Variants in IL1A observed in about 807,000 individuals in gnomAD.
IL1A encodes interleukin 1 alpha.
In IL1A, 16 loss-of-function variants were observed where a neutral mutation model predicts 22.2. The observed-to-expected ratio is 0.72, with a 90% CI of 0.49 to 1.09. The LOEUF is 1.09. Among genes scored for constraint, IL1A ranks in the 50% least tolerant of loss-of-function variants. The probability of loss-of-function intolerance (pLI) is 0.00; values close to 1 mark genes in which losing one functional copy is unlikely to be tolerated. For missense variants in IL1A, 317 were observed against 321.8 expected (o/e 0.99, Z 0.11); for synonymous variants, 113 against 118.5 (o/e 0.95, Z 0.30).
At position 112,779,590 on chromosome 2, in the gene IL1A, G is replaced by A. The variant is rs748487868; in HGVS notation, c.396C>T (p.Tyr132=). 3.8e-5 allele frequency: 61 copies of A among 1,612,698 alleles called. No homozygotes were observed. The highest frequency in any genetic ancestry group is 9.9e-5 in the South Asian group (9 of 91,052). ...VKYNFMRIIK[Y]EFILNDALNQ... The stretch of plus-strand genomic sequence containing the variant: ...TGAGGGCGTCATTCAGGATGAATTC[G>A]TATTTGATGATCCTCATAAAGTTGT... The change falls in exon 5 of 7, where the codon TAC becomes TAT. Residue 132 remains tyrosine (Y), a synonymous_variant. Transcript: ENST00000263339.
chr2:112,775,288 T>G, intron 6 of IL1A, 21 bp from the exon 7 acceptor site: 1 of 1,595,876 alleles, frequency 6.3e-7, no homozygotes, highest in South Asian at 1.1e-5. Flanking sequence ...AAGAAGAGAA[T>G]TCTGTTAGAG....
chr2:112,781,100 T>A (rs1681190108), intron 4 of IL1A, among the ~76,000 whole-genome samples: 1 of 152,162 alleles, frequency 6.6e-6, no homozygotes, highest in South Asian at 2.1e-4. Flanking sequence ...CAGACATTAT[T>A]CTAGTCCAGA....
At position 112,782,739 on chromosome 2, in the gene IL1A, T is replaced by G. The variant is rs746881461; in HGVS notation, c.73A>C (p.Ile25Leu). 3 of 1,608,940 alleles carry G rather than the reference T, an allele frequency of 1.9e-6. No individual in the cohort carries two copies. In the South Asian group the frequency reaches 3.3e-5, roughly 18 times the overall value. ...ACCTGATTCAGAGACAGATGATCAA[T>G]GGAGGAACTGTCTTCTTCATTTTCA... ...YSENEEDSSSIDHLSLNQKSF... is the reference protein window; with the variant it reads ...YSENEEDSSSLDHLSLNQKSF... The change falls in exon 3 of 7, where the codon ATT (isoleucine) becomes CTT (leucine). Residue 25 changes from isoleucine (I) to leucine (L), a missense_variant. By Grantham distance (5) the Ile-to-Leu change is conservative. Coordinates refer to ENST00000263339, the MANE Select transcript of IL1A (RefSeq NM_000575.5).
chr2:112,775,176 G>A lies in IL1A; in HGVS notation c.707C>T (p.Ser236Leu), dbSNP rs747708905. The A allele has an allele frequency of 6.2e-7, 1 of 1,614,166 alleles. No homozygotes were observed. Among genetic ancestry groups the A allele is most frequent in the Non-Finnish European group, 8.5e-7 (1 of 1,179,990 alleles). ...AATAAACAAGTTTGGATGGGCAACT[G>A]ATGTGAAATAGTTCTTAGTGCCGTG... Reference protein sequence around the residue: ...ETHGTKNYFTSVAHPNLFIAT... With the variant: ...ETHGTKNYFTLVAHPNLFIAT... Residue 236 changes from serine to leucine, a missense_variant, in exon 7 of 7, where the codon TCA becomes TTA. Coordinates refer to ENST00000263339, the MANE Select transcript of IL1A (RefSeq NM_000575.5).
rs781599647 is a variant in IL1A, at chr2:112,781,601, T to C, written c.319+3A>G. 1.9e-6 allele frequency: 3 copies of C among 1,610,038 alleles called. No individual in the cohort carries two copies. Among genetic ancestry groups the C allele is most frequent in the South Asian group, 2.2e-5 (2 of 91,000 alleles). On this transcript the variant is annotated splice_donor_region_variant and intron_variant, in intron 4 of 6. Coordinates refer to ENST00000263339, the MANE Select transcript of IL1A (RefSeq NM_000575.5). ...AAAGATATTATTGTGCTTGACCCCT[T>C]ACCTTCCTCTGAGTCATTGGCGATG...
intron 6 of IL1A, 35 bp from the exon 7 acceptor site, chr2:112,775,302 A>C (rs1441418556): frequency 6.4e-7 from 1 of 1,572,114 alleles, no homozygotes; most frequent in South Asian, 1.1e-5. Flanking sequence ...GTTAGAGAAC[A>C]AGATGGTAGA....
chr2:112,778,833 G>A (rs959827255), intron 5 of IL1A, among the ~76,000 whole-genome samples: 8 of 152,316 alleles, frequency 5.3e-5, no homozygotes, highest in African/African-American at 1.9e-4. Context: ...TAAATGTAGA[G>A]TTGAAAGCAT....
intron 5 of IL1A, among the ~76,000 whole-genome samples, chr2:112,778,979 T>C (rs911417976): frequency 1.1e-4 from 17 of 152,176 alleles, no homozygotes; most frequent in African/African-American, 3.6e-4. Flanking sequence ...TGATAAAAGT[T>C]TTTGGACACT....
At chr2:112,783,418 T>C (rs920470203) in intron 2 of IL1A, among the ~76,000 whole-genome samples, 5 of 152,232 alleles carry the variant, frequency 3.3e-5, no homozygotes, top group Non-Finnish European at 7.3e-5. Flanking sequence ...AACCCATTCT[T>C]ATATCAGGGC....
chr2:112,775,898 C>T (rs1681094547), intron 6 of IL1A, among the ~76,000 whole-genome samples: 1 of 152,088 alleles, frequency 6.6e-6, no homozygotes, highest in South Asian at 2.1e-4. Flanking sequence ...ATTTCAAATT[C>T]CAAGTTGAGA....
intron 5 of IL1A, 130 bp from the exon 6 acceptor site, chr2:112,778,241 TC>T: frequency 2.8e-6 from 2 of 726,312 alleles, no homozygotes; most frequent in Non-Finnish European, 4.5e-6. Flanking sequence ...TGTAGTTAGG[TC>T]CCCACCTATG....
In IL1A at chr2:112,775,218, A is replaced by G; in HGVS notation, c.665T>C (p.Leu222Pro). Residue 222 changes from leucine (L) to proline (P), a missense_variant, in exon 7 of 7, where the codon CTC (leucine) becomes CCC (proline). By Grantham distance (98) the Leu-to-Pro change is moderately conservative (BLOSUM62 -3). Coordinates refer to ENST00000263339, the MANE Select transcript of IL1A (RefSeq NM_000575.5). ...KTITGSETNL[L>P]FFWETHGTKN... ...AGTGCCGTGAGTTTCCCAGAAGAAG[A>G]GGAGGTTGGTCTCACTACCTGTGAT... 1.2e-6 allele frequency: 2 copies of G among 1,614,232 alleles called. No individual in the cohort carries two copies. Among genetic ancestry groups the G allele is most frequent in the Non-Finnish European group, 1.7e-6 (2 of 1,180,030 alleles).
chr2:112,781,726 G>C lies in IL1A; in HGVS notation c.197C>G (p.Thr66Ser). Reference sequence around the variant, plus strand: ...TACTACCACCATGCTCTCCTTGAAGGTAAGCTTGGATGTTTTAGAGGTTTC... The same window carrying C: ...TACTACCACCATGCTCTCCTTGAAGCTAAGCTTGGATGTTTTAGAGGTTTC... ...ISETSKTSKL[T>S]FKESMVVVAT... The change falls in exon 4 of 7, where the codon ACC (threonine) becomes AGC (serine). Residue 66 changes from threonine to serine, a missense_variant. Coordinates refer to ENST00000263339, the MANE Select transcript of IL1A (RefSeq NM_000575.5). 1.2e-6 allele frequency: 2 copies of C among 1,614,164 alleles called. No homozygotes were observed. Among genetic ancestry groups the C allele is most frequent in the Non-Finnish European group, 8.5e-7 (1 of 1,180,016 alleles).
intron 4 of IL1A, 134 bp downstream of exon 4, chr2:112,781,470 T>C (rs1465953699): frequency 1.4e-6 from 1 of 727,282 alleles, no homozygotes; most frequent in African/African-American, 1.8e-5. Context: ...TTAATTTTCC[T>C]CTGTATAGTT....
At chr2:112,779,751 T>C in intron 4 of IL1A, 85 bp from the exon 5 acceptor site, 2 of 941,666 alleles carry the variant, frequency 2.1e-6, no homozygotes, top group South Asian at 2.6e-5. Context: ...GGGAAAATAG[T>C]TCTGGAGGGG....
At chr2:112,778,174 A>T in intron 5 of IL1A, 63 bp from the exon 6 acceptor site, 2 of 1,382,874 alleles carry the variant, frequency 1.4e-6, no homozygotes, top group Non-Finnish European at 2.0e-6. Context: ...TCAAGTGTTG[A>T]TGTAGATTGT....
At chr2:112,778,649 A>C (rs1681142750) in intron 5 of IL1A, among the ~76,000 whole-genome samples, 1 of 152,228 alleles carries the variant, frequency 6.6e-6, no homozygotes, top group Non-Finnish European at 1.5e-5. Flanking sequence ...AAAAAACAAT[A>C]ATATATACAA....
At chr2:112,775,762 A>ACACG (rs1681092129) in intron 6 of IL1A, among the ~76,000 whole-genome samples, 1 of 151,996 alleles carries the variant, frequency 6.6e-6, no homozygotes, top group Non-Finnish European at 1.5e-5. Context: ...ACACGCACAC[A>ACACG]CATACACACA....
chr2:112,781,143 A>T (rs557633549), intron 4 of IL1A, among the ~76,000 whole-genome samples: 1 of 152,186 alleles, frequency 6.6e-6, no homozygotes, highest in Non-Finnish European at 1.5e-5. Flanking sequence ...TAATCTTTAT[A>T]ACAGTCAGGA....
Sources: gnomAD v4.1 joint callset for allele counts (sites outside exome capture counted in the v4.1 genomes callset) on GRCh38, gnomAD v4.1.1 for gene constraint, MANE v1.5 for transcripts, NCBI Gene and HGNC (gene_info 2026-07-23, HGNC 2026-07-21) for gene names.